TMEM132C: variants seen among roughly 807,000 people sequenced by gnomAD.
The protein encoded by TMEM132C is transmembrane protein 132C, also known as protein phosphatase 1, regulatory subunit 152.
A neutral mutation model predicts 61.4 loss-of-function variants in TMEM132C; 29 were observed. That is an observed-to-expected ratio of 0.47 (90% CI 0.35 to 0.64). The LOEUF is 0.64. Ranked by LOEUF, TMEM132C falls within the 30% of genes least tolerant of loss-of-function variation. The probability of loss-of-function intolerance (pLI) is 0.00; values close to 1 mark genes in which losing one functional copy is unlikely to be tolerated. For missense variants in TMEM132C, 1,408 were observed against 1,476.9 expected (o/e 0.95, Z 0.76); for synonymous variants, 656 against 633.1 (o/e 1.04, Z -0.54).
chr12:128,412,229 A>C (rs1434426400), intron 1 of TMEM132C, among the ~76,000 whole-genome samples: 1 of 152,184 alleles, frequency 6.6e-6, no homozygotes. Flanking sequence ...TATTATTATC[A>C]TATGTCAAAC....
intron 3 of TMEM132C, among the ~76,000 whole-genome samples, chr12:128,605,589 G>A (rs1161332799): frequency 6.6e-6 from 1 of 152,170 alleles, no homozygotes; most frequent in Admixed American, 6.5e-5. Context: ...GGGGCAGGAG[G>A]ACAGGGGTGC....
chr12:128,642,008 C>T (rs540865593), intron 4 of TMEM132C, among the ~76,000 whole-genome samples: 1 of 148,246 alleles, frequency 6.7e-6, no homozygotes. Flanking sequence ...GGGGTTTCAC[C>T]ATGTTGGTCA....
chr12:128,486,866 T>G (rs1871510137), intron 2 of TMEM132C, among the ~76,000 whole-genome samples: 1 of 141,800 alleles, frequency 7.1e-6, no homozygotes, highest in Admixed American at 7.3e-5. Flanking sequence ...TGTAAACATG[T>G]GTGCATGCAA....
intron 3 of TMEM132C, among the ~76,000 whole-genome samples, chr12:128,591,688 A>G (rs1385241404): frequency 2.0e-5 from 3 of 152,136 alleles, no homozygotes; most frequent in African/African-American, 4.8e-5. Flanking sequence ...AAGTGGCTGC[A>G]CCATTTTACA....
In TMEM132C at chr12:128,353,186, A is replaced by T. The variant is rs146492227; in HGVS notation, c.86-61546A>T. Among the ~76,000 whole-genome samples, 23 of 152,352 alleles carry T rather than the reference A, an allele frequency of 1.5e-4. No individual in the cohort carries two copies. The East Asian group carries it at 3.5e-3, about 23-fold the overall frequency. On this transcript the variant is annotated intron_variant, in intron 1 of 8. Transcript: ENST00000435159. ...GGAGGAAATAATTCAAACACTGCTA[A>T]TCATCCATGTTTATCAACAGTGAAT...
chr12:128,344,762 A>T (rs118158071), intron 1 of TMEM132C, among the ~76,000 whole-genome samples: 1 of 152,134 alleles, frequency 6.6e-6, no homozygotes, highest in Non-Finnish European at 1.5e-5. Context: ...CTATAGGTGC[A>T]TGAAATTATG....
intron 2 of TMEM132C, among the ~76,000 whole-genome samples, chr12:128,512,750 G>A (rs146029561): frequency 4.6e-5 from 7 of 152,228 alleles, no homozygotes; most frequent in African/African-American, 7.2e-5. Flanking sequence ...GCACTGTTCC[G>A]CACCCACCAA....
Position 128,557,950 on chromosome 12 carries a change from C to T in TMEM132C, c.1121+13847C>T, listed in dbSNP as rs540955405. 1.1e-4 allele frequency among the ~76,000 whole-genome samples: 17 copies of T among 152,342 alleles called. 1 individual carries two copies. The South Asian group carries it at 2.1e-3, about 19-fold the overall frequency. On this transcript the variant is annotated intron_variant, in intron 3 of 8. Coordinates refer to ENST00000435159, the MANE Select transcript of TMEM132C (RefSeq NM_001136103.3). ...AACAACGTGGCCTCTTGAGCCAGCC[C>T]GGCAACTTGGATTCACATCTTGGCT... is the stretch of plus-strand genomic sequence containing the variant.
At chr12:128,650,343 C>T (rs996565621) in intron 4 of TMEM132C, among the ~76,000 whole-genome samples, 1 of 152,018 alleles carries the variant, frequency 6.6e-6, no homozygotes, top group African/African-American at 2.4e-5. Flanking sequence ...CCAAGAAGAC[C>T]CATGAACACC....
chr12:128,390,915 A>G (rs142585211), intron 1 of TMEM132C, among the ~76,000 whole-genome samples: 73 of 152,260 alleles, frequency 4.8e-4, no homozygotes, highest in African/African-American at 1.4e-3. Context: ...TTAGAATCAG[A>G]TCATCTTCTA....
chr12:128,495,615 T>C (rs769783280), intron 2 of TMEM132C, among the ~76,000 whole-genome samples: 92 of 152,272 alleles, frequency 6.0e-4, no homozygotes, highest in Middle Eastern at 3.4e-3. Context: ...TTGATCTTTG[T>C]TGGTTTAAAG....
chr12:128,606,253 T>A (rs114144282), intron 3 of TMEM132C, among the ~76,000 whole-genome samples: 3,438 of 152,330 alleles, frequency 0.023, 133 homozygotes, highest in African/African-American at 0.078. Flanking sequence ...TTCAGGAAGT[T>A]GCATCCTGCA....
chr12:128,494,553 ACTT>A (rs1191932164), intron 2 of TMEM132C, among the ~76,000 whole-genome samples: 1 of 152,102 alleles, frequency 6.6e-6, no homozygotes, highest in African/African-American at 2.4e-5. Flanking sequence ...CAGGGATTCA[ACTT>A]CTTCTTGGTT....
intron 2 of TMEM132C, among the ~76,000 whole-genome samples, chr12:128,448,781 G>A (rs73440645): frequency 0.013 from 2,031 of 152,110 alleles, 53 homozygotes; most frequent in African/African-American, 0.046. Flanking sequence ...TATACTCTTC[G>A]TTTCTTATTT....
chr12:128,662,590 T>C (rs1008853937), intron 4 of TMEM132C, among the ~76,000 whole-genome samples: 3 of 152,218 alleles, frequency 2.0e-5, no homozygotes, highest in Non-Finnish European at 4.4e-5. Flanking sequence ...GTATGGGCTA[T>C]GTCCCCAGAC....
At chr12:128,697,933 G>A (rs562117906) in intron 8 of TMEM132C, among the ~76,000 whole-genome samples, 4 of 152,210 alleles carry the variant, frequency 2.6e-5, no homozygotes, top group South Asian at 2.1e-4. Flanking sequence ...CACCCTCACC[G>A]CTGAGCATGG....
At chr12:128,609,858 A>G (rs1367235986) in intron 3 of TMEM132C, among the ~76,000 whole-genome samples, 1 of 152,320 alleles carries the variant, frequency 6.6e-6, no homozygotes, top group African/African-American at 2.4e-5. Context: ...TTTTGACAGC[A>G]CTGTCCTCTC....
At chr12:128,629,720 C>A (rs1389977219) in intron 4 of TMEM132C, among the ~76,000 whole-genome samples, 2 of 152,182 alleles carry the variant, frequency 1.3e-5, no homozygotes, top group Non-Finnish European at 2.9e-5. Context: ...GTAATCCCAG[C>A]ACTTTGGGAG....
At chr12:128,455,819 G>A (rs1870320825) in intron 2 of TMEM132C, among the ~76,000 whole-genome samples, 1 of 152,112 alleles carries the variant, frequency 6.6e-6, no homozygotes, top group African/African-American at 2.4e-5. Context: ...ACGGGCTGTG[G>A]GGGAGCCCGG....
Sources: allele counts gnomAD v4.1 joint callset (sites outside exome capture counted in the v4.1 genomes callset), GRCh38; gene constraint gnomAD v4.1.1; transcripts MANE v1.5; gene names NCBI Gene and HGNC (gene_info 2026-07-23, HGNC 2026-07-21).